The following PUS7 variants were observed in gnomAD, a reference collection of about 807,000 sequenced individuals.
PUS7 encodes pseudouridine synthase 7, also known as pseudouridylate synthase 7 homolog.
A neutral mutation model predicts 79.8 loss-of-function variants in PUS7; 48 were observed. That is an observed-to-expected ratio of 0.60 (90% CI 0.48 to 0.76). The LOEUF (loss-of-function observed/expected upper bound fraction) is 0.76, where lower values mean the gene tolerates loss of function less well. Among genes scored for constraint, PUS7 ranks in the 30% least tolerant of loss-of-function variants. PUS7 has a pLI of 0.00. For missense variants in PUS7, 729 were observed against 797.6 expected (o/e 0.91, Z 1.04); for synonymous variants, 286 against 272.2 (o/e 1.05, Z -0.50).
rs373723339 is a variant in PUS7, at chr7:105,468,486, G to T, written c.1399-23C>A. 42 of 1,560,568 alleles carry T rather than the reference G, an allele frequency of 2.7e-5. No homozygotes were observed. In the African/African-American group the frequency reaches 5.1e-4, roughly 19 times the overall value. On this transcript the variant is annotated intron_variant, in intron 11 of 15. Transcript: ENST00000469408. ...TATCTGGAGGGAAGGAAAAAAATAG[G>T]CAAGAAAACATATTCTAAATATAAA...
Position 105,459,212 on chromosome 7 carries a change from T to C in PUS7, c.1805A>G (p.Asp602Gly), listed in dbSNP as rs763480394. The C allele has an allele frequency of 1.2e-6, 2 of 1,612,038 alleles. No individual in the cohort carries two copies. The highest frequency in any genetic ancestry group is 1.1e-5 in the South Asian group (1 of 90,742). ...DDPKIPLFNT[D>G]VDNLEGKTPP... ...TGTCTTCCCTTCTAGGTTGTCCACA[T>C]CTGTGTTGAAAAGTGGAATTTTGGG... Residue 602 changes from aspartate (D) to glycine (G), a missense_variant, in exon 15 of 16, where the codon GAT (aspartate) becomes GGT (glycine). Coordinates refer to ENST00000469408, the MANE Select transcript of PUS7 (RefSeq NM_019042.5).
At chr7:105,506,313 C>T (rs774917635) in intron 2 of PUS7, 40 bp from the exon 3 acceptor site, 2 of 1,352,650 alleles carry the variant, frequency 1.5e-6, no homozygotes, top group Non-Finnish European at 2.1e-6. Context: ...AATTAACATC[C>T]TGTTTTCTAT....
chr7:105,492,792 CCA>C (rs1269333845), intron 6 of PUS7, among the ~76,000 whole-genome samples: 1 of 152,126 alleles, frequency 6.6e-6, no homozygotes, highest in Non-Finnish European at 1.5e-5. Flanking sequence ...CAGGCGTGAG[CCA>C]CCGCGCCCGG....
chr7:105,466,741 C>A (rs1823657159), intron 12 of PUS7, among the ~76,000 whole-genome samples: 1 of 146,466 alleles, frequency 6.8e-6, no homozygotes, highest in Admixed American at 6.9e-5. Flanking sequence ...ATGCATTTTG[C>A]TGGGAAAAAA....
At chr7:105,458,604 G>A (rs1246109110) in intron 15 of PUS7, among the ~76,000 whole-genome samples, 1 of 135,740 alleles carries the variant, frequency 7.4e-6, no homozygotes, top group Non-Finnish European at 1.5e-5. Flanking sequence ...ATGGAGTCTC[G>A]TTTTGTCACC....
chr7:105,458,343 C>T (rs1038574808), intron 15 of PUS7, among the ~76,000 whole-genome samples: 1 of 151,946 alleles, frequency 6.6e-6, no homozygotes, highest in Non-Finnish European at 1.5e-5. Flanking sequence ...TCACTGCAGC[C>T]TCCACCTCCC....
intron 14 of PUS7, among the ~76,000 whole-genome samples, chr7:105,460,721 G>A (rs1315077309): frequency 6.6e-6 from 1 of 151,190 alleles, no homozygotes. Flanking sequence ...GGACGTGGTA[G>A]CGGGCGCCTG....
At chr7:105,471,330 C>A (rs1375146274) in intron 10 of PUS7, among the ~76,000 whole-genome samples, 1 of 152,236 alleles carries the variant, frequency 6.6e-6, no homozygotes, top group African/African-American at 2.4e-5. Flanking sequence ...CTTCTTCACA[C>A]TGCAAATCCT....
rs550098576 is a variant in PUS7 at position 105,508,605 on chromosome 7, C to T, written c.-32-61G>A. ...ATAAAAGCTGGTTTCAGGCCGGGCG[C>T]GGTGGCTCACACCTGTAATCCCAGC... is the stretch of plus-strand genomic sequence containing the variant. On this transcript the variant is annotated intron_variant, in intron 1 of 15. Coordinates refer to ENST00000469408, the MANE Select transcript of PUS7 (RefSeq NM_019042.5). 77 of 1,523,486 alleles carry T rather than the reference C, an allele frequency of 5.1e-5. No individual in the cohort carries two copies. In the East Asian group the frequency reaches 5.4e-4, roughly 11 times the overall value. The allele number at this position is 1,523,486 out of a possible 1,614,324, so 94.4% of individuals were successfully genotyped here. A position where few individuals can be genotyped will look rare whatever the true frequency, so the allele number is the denominator to read the frequency against.
At chr7:105,497,900 A>G (rs1213404993) in intron 5 of PUS7, among the ~76,000 whole-genome samples, 2 of 152,226 alleles carry the variant, frequency 1.3e-5, no homozygotes, top group African/African-American at 4.8e-5. Context: ...AAGTTTGAAA[A>G]TGTCCATAAT....
chr7:105,509,187 A>AC (rs1825607761), intron 1 of PUS7, among the ~76,000 whole-genome samples: 2 of 22,452 alleles, frequency 8.9e-5, no homozygotes, highest in African/African-American at 1.8e-4. Context: ...TCCATCTCAA[A>AC]AAAAAAAAAA....
chr7:105,481,213 T>C (rs1824307049), intron 8 of PUS7, 36 bp from the exon 9 acceptor site: 1 of 1,577,126 alleles, frequency 6.3e-7, no homozygotes, highest in South Asian at 1.2e-5. Context: ...GAAAAAAAGT[T>C]ACAGTCAAAT....
Position 105,458,775 on chromosome 7 carries a change from G to A in PUS7, c.1849+393C>T, listed in dbSNP as rs569698037. ...TTTTTAGTAGAGACGGGGTTTCACCGTGGTCTCGATCTCCTGACCTCGTGA... is the reference window on the plus strand; with the variant it reads ...TTTTTAGTAGAGACGGGGTTTCACCATGGTCTCGATCTCCTGACCTCGTGA... On this transcript the variant is annotated intron_variant, in intron 15 of 15. Coordinates refer to ENST00000469408, the MANE Select transcript of PUS7 (RefSeq NM_019042.5). Among the ~76,000 whole-genome samples, 22 of 151,680 alleles carry A rather than the reference G, an allele frequency of 1.5e-4. No individual in the cohort carries two copies. The South Asian group carries it at 3.5e-3, about 24-fold the overall frequency.
chr7:105,486,188 G>A (rs1180091007), intron 7 of PUS7, among the ~76,000 whole-genome samples: 1 of 151,960 alleles, frequency 6.6e-6, no homozygotes, highest in Non-Finnish European at 1.5e-5. Flanking sequence ...AAGTAGCTGG[G>A]ATTACAGACG....
chr7:105,479,654 T>C (rs1183734863), intron 9 of PUS7, among the ~76,000 whole-genome samples: 2 of 152,212 alleles, frequency 1.3e-5, no homozygotes, highest in Non-Finnish European at 2.9e-5. Context: ...TAAATGACAA[T>C]TCTTAAATTC....
chr7:105,505,743 C>G (rs117201879), intron 4 of PUS7, among the ~76,000 whole-genome samples: 6,719 of 152,064 alleles, frequency 0.044, 206 homozygotes, highest in South Asian at 0.12. Context: ...TGTTTTTAAA[C>G]AAAAATGTAA....
intron 6 of PUS7, among the ~76,000 whole-genome samples, chr7:105,494,676 G>A (rs1316963644): frequency 6.6e-6 from 1 of 151,856 alleles, no homozygotes; most frequent in Non-Finnish European, 1.5e-5. Flanking sequence ...CCAAAGTGCT[G>A]GAATTACAGG....
chr7:105,502,369 G>A, intron 5 of PUS7, 51 bp downstream of exon 5: 3 of 1,608,104 alleles, frequency 1.9e-6, no homozygotes, highest in Non-Finnish European at 2.6e-6. Context: ...GAGGAGCGGG[G>A]CCTGCCGCTC....
At chr7:105,496,184 TAC>T (rs67218522) in intron 5 of PUS7, among the ~76,000 whole-genome samples, 23,974 of 66,114 alleles carry the variant, frequency 0.36, 3,697 homozygotes, top group Non-Finnish European at 0.41. Flanking sequence ...TATGCATATC[TAC>T]ACACACACAC....
Sources: allele counts gnomAD v4.1 joint callset (sites outside exome capture counted in the v4.1 genomes callset), GRCh38; gene constraint gnomAD v4.1.1; transcripts MANE v1.5; gene names NCBI Gene and HGNC (gene_info 2026-07-23, HGNC 2026-07-21).